The following MBNL1 variants were observed in gnomAD, a reference collection of about 807,000 sequenced individuals.
MBNL1 encodes muscleblind-like protein 1.
MBNL1 carries 8 observed loss-of-function variants against 42.2 expected under a neutral mutation model. The ratio of observed to expected loss-of-function variants is 0.19; its 90% CI spans 0.11 to 0.34. The LOEUF (loss-of-function observed/expected upper bound fraction) is 0.34, where lower values mean the gene tolerates loss of function less well. MBNL1 is among the 10% of genes least tolerant of loss of function. The pLI is 1.00. For synonymous variants in MBNL1, 169 were observed against 173.9 expected (o/e 0.97, Z 0.22); for missense variants, 309 against 495.3 (o/e 0.62, Z 3.57).
intron 2 of MBNL1, among the ~76,000 whole-genome samples, chr3:152,362,370 A>G (rs2096037646): frequency 6.6e-6 from 1 of 152,208 alleles, no homozygotes; most frequent in South Asian, 2.1e-4. Context: ...CAAAAGTCAT[A>G]TGATGTAGAT....
At chr3:152,444,687 A>G (rs1011644991) in intron 4 of MBNL1, among the ~76,000 whole-genome samples, 4 of 152,264 alleles carry the variant, frequency 2.6e-5, no homozygotes, top group South Asian at 2.1e-4. Context: ...AATTTTACCA[A>G]TTGTCCTCCC....
At chr3:152,450,052 G>A (rs764713618) in intron 6 of MBNL1, among the ~76,000 whole-genome samples, 19 of 133,506 alleles carry the variant, frequency 1.4e-4, no homozygotes, top group Non-Finnish European at 2.0e-4. Flanking sequence ...AGTGAGCCAA[G>A]ATCACATCAC....
At chr3:152,318,067 A>G (rs1234852973) in intron 2 of MBNL1, among the ~76,000 whole-genome samples, 1 of 152,226 alleles carries the variant, frequency 6.6e-6, no homozygotes, top group Non-Finnish European at 1.5e-5. Flanking sequence ...GATACAGAGA[A>G]AATTGATGGT....
intron 5 of MBNL1, among the ~76,000 whole-genome samples, chr3:152,445,999 T>G (rs1265854865): frequency 6.6e-6 from 1 of 152,204 alleles, no homozygotes; most frequent in African/African-American, 2.4e-5. Flanking sequence ...AAAATTGTTC[T>G]TAGAATTAGC....
At position 152,459,339 on chromosome 3, in the gene MBNL1, C is replaced by T; in HGVS notation, c.*12C>T. ...TTACCCAGATGTAGAATTTTCATCA[C>T]TAAACAGTAAGTTCATTATGTAATA... On this transcript the variant is annotated 3_prime_UTR_variant, in exon 9 of 10. Transcript: ENST00000324210. 1.3e-6 allele frequency: 2 copies of T among 1,553,098 alleles called. No individual in the cohort carries two copies. Among genetic ancestry groups the T allele is most frequent in the South Asian group, 2.4e-5 (2 of 83,382 alleles).
chr3:152,251,406 A>G (rs986757397), intron 2 of MBNL1, among the ~76,000 whole-genome samples: 39 of 152,118 alleles, frequency 2.6e-4, no homozygotes, highest in African/African-American at 8.9e-4. Context: ...TTTTGTGGGG[A>G]AAACATTTAA....
intron 2 of MBNL1, among the ~76,000 whole-genome samples, chr3:152,345,990 G>A (rs1405670424): frequency 2.6e-5 from 4 of 152,000 alleles, no homozygotes. Flanking sequence ...GTTATGTTTT[G>A]TATCCAGCAG....
chr3:152,411,060 A>G lies in MBNL1; in HGVS notation c.175-3881A>G, dbSNP rs571091056. Among the ~76,000 whole-genome samples the G allele has an allele frequency of 2.1e-4, 32 of 152,352 alleles. No homozygotes were observed. In the South Asian group the frequency reaches 6.6e-3, roughly 32 times the overall value. On this transcript the variant is annotated intron_variant, in intron 2 of 9. Transcript: ENST00000324210. ...TCTTACTAATCTTCATACATCACCA[A>G]TGAGATGTTATTGTTACTATTATAT...
At chr3:152,281,219 G>A (rs2048275399) in intron 1 of MBNL1, among the ~76,000 whole-genome samples, 1 of 152,202 alleles carries the variant, frequency 6.6e-6, no homozygotes, top group South Asian at 2.1e-4. Flanking sequence ...AAAGATTAAG[G>A]TTAGGGGATT....
At chr3:152,295,029 A>G (rs1327337876) in intron 1 of MBNL1, among the ~76,000 whole-genome samples, 1 of 152,220 alleles carries the variant, frequency 6.6e-6, no homozygotes, top group African/African-American at 2.4e-5. Flanking sequence ...GCAGGCACAT[A>G]CATTATCAGG....
At chr3:152,249,670 GT>G (rs1379782730) in intron 2 of MBNL1, among the ~76,000 whole-genome samples, 8 of 150,962 alleles carry the variant, frequency 5.3e-5, no homozygotes, top group African/African-American at 1.5e-4. Flanking sequence ...TCTTTTTGGT[GT>G]TTTAGACATG....
intron 3 of MBNL1, among the ~76,000 whole-genome samples, chr3:152,426,371 A>G (rs915981687): frequency 5.9e-5 from 9 of 152,210 alleles, no homozygotes; most frequent in Admixed American, 3.3e-4. Context: ...AAAATAATCA[A>G]AAAAATAAAA....
chr3:152,290,619 A>C (rs1301757388), intron 1 of MBNL1, among the ~76,000 whole-genome samples: 1 of 152,168 alleles, frequency 6.6e-6, no homozygotes, highest in Non-Finnish European at 1.5e-5. Flanking sequence ...CCATTATTTA[A>C]GCAGTGAACA....
intron 2 of MBNL1, among the ~76,000 whole-genome samples, chr3:152,321,695 A>G (rs995549634): frequency 2.0e-5 from 3 of 152,064 alleles, no homozygotes; most frequent in Non-Finnish European, 4.4e-5. Flanking sequence ...CTCAAGAGAC[A>G]GTAGATCAAG....
intron 2 of MBNL1, among the ~76,000 whole-genome samples, chr3:152,320,983 A>G (rs1343647359): frequency 1.3e-5 from 2 of 152,112 alleles, no homozygotes; most frequent in East Asian, 3.8e-4. Context: ...TCTGAAGTAG[A>G]AAAGAGAATC....
At chr3:152,398,276 A>G (rs2098070594) in intron 2 of MBNL1, among the ~76,000 whole-genome samples, 1 of 152,156 alleles carries the variant, frequency 6.6e-6, no homozygotes, top group Non-Finnish European at 1.5e-5. Context: ...TTGATTAAAA[A>G]TTAGGCCCAT....
chr3:152,410,698 C>T (rs28384254), intron 2 of MBNL1, among the ~76,000 whole-genome samples: 2,423 of 152,314 alleles, frequency 0.016, 56 homozygotes, highest in African/African-American at 0.055. Context: ...GCCTGCTAGT[C>T]AGCAGGACAG....
chr3:152,250,150 G>C (rs1204611393), intron 2 of MBNL1, among the ~76,000 whole-genome samples: 2 of 151,926 alleles, frequency 1.3e-5, no homozygotes, highest in African/African-American at 4.8e-5. Flanking sequence ...TTCCAATTCT[G>C]TGAAGAAAGT....
chr3:152,360,106 A>G (rs765587034), intron 2 of MBNL1, among the ~76,000 whole-genome samples: 8 of 152,152 alleles, frequency 5.3e-5, no homozygotes, highest in Non-Finnish European at 1.0e-4. Flanking sequence ...CCAAATGTTT[A>G]ATCATCCTAA....
Sources: gnomAD v4.1 joint callset for allele counts (sites outside exome capture counted in the v4.1 genomes callset) on GRCh38, gnomAD v4.1.1 for gene constraint, MANE v1.5 for transcripts, NCBI Gene and HGNC (gene_info 2026-07-23, HGNC 2026-07-21) for gene names.